The following SPATA16 variants were observed in gnomAD, a reference collection of about 807,000 sequenced individuals.
The protein encoded by SPATA16 is spermatogenesis-associated protein 16.
A neutral mutation model predicts 63.3 loss-of-function variants in SPATA16; 36 were observed. That is an observed-to-expected ratio of 0.57 (90% CI 0.44 to 0.75). The LOEUF (loss-of-function observed/expected upper bound fraction) is 0.75, where lower values mean the gene tolerates loss of function less well. SPATA16 is among the 30% of genes least tolerant of loss of function. The pLI is 0.00. For synonymous variants in SPATA16, 203 were observed against 216.7 expected (o/e 0.94, Z 0.56); for missense variants, 646 against 679.3 (o/e 0.95, Z 0.54).
chr3:172,932,320 A>AT (rs1361731687), intron 6 of SPATA16, among the ~76,000 whole-genome samples: 1 of 151,988 alleles, frequency 6.6e-6, no homozygotes, highest in African/African-American at 2.4e-5. Flanking sequence ...TATAAGTTTC[A>AT]TTTTCTCCTC....
intron 2 of SPATA16, among the ~76,000 whole-genome samples, chr3:173,062,395 C>T (rs182353385): frequency 1.0e-3 from 159 of 152,206 alleles, no homozygotes; most frequent in African/African-American, 3.5e-3. Context: ...AAAATAAATA[C>T]ATTATCACAT....
At chr3:173,044,301 G>A (rs186789949) in intron 3 of SPATA16, among the ~76,000 whole-genome samples, 48 of 152,156 alleles carry the variant, frequency 3.2e-4, no homozygotes, top group Admixed American at 5.9e-4. Flanking sequence ...TCTATCTCTT[G>A]TCTTTATAGT....
At chr3:173,099,848 A>G (rs1323548383) in intron 2 of SPATA16, among the ~76,000 whole-genome samples, 1 of 152,080 alleles carries the variant, frequency 6.6e-6, no homozygotes, top group African/African-American at 2.4e-5. Context: ...CATCACAGGC[A>G]CCTACGCCCC....
chr3:173,033,417 T>C (rs1458089488), intron 3 of SPATA16, among the ~76,000 whole-genome samples: 1 of 152,196 alleles, frequency 6.6e-6, no homozygotes. Context: ...ACCTATCTTT[T>C]GACATTTTCA....
chr3:173,061,170 C>G (rs936730240), intron 2 of SPATA16, among the ~76,000 whole-genome samples: 78 of 152,336 alleles, frequency 5.1e-4, no homozygotes, highest in Admixed American at 4.3e-3. Flanking sequence ...GTATACCACA[C>G]TTGTCCATTT....
Position 173,059,947 on chromosome 3 carries a change from A to T in SPATA16, c.613-10853T>A, listed in dbSNP as rs139092466. The stretch of plus-strand genomic sequence containing the variant: ...TATGTGGAGGAAAGTCAGTCTGAGA[A>T]TGAAGCTAATGTAGAAAAAACAGAG... On this transcript the variant is annotated intron_variant, in intron 2 of 10. Coordinates refer to ENST00000351008, the MANE Select transcript of SPATA16 (RefSeq NM_031955.6). 6.0e-4 allele frequency among the ~76,000 whole-genome samples: 89 copies of T among 148,412 alleles called. 1 individual carries two copies. Among genetic ancestry groups the T allele is most frequent in the Non-Finnish European group, 1.1e-3 (76 of 67,538 alleles).
At chr3:172,915,459 T>C (rs1732460322) in intron 9 of SPATA16, among the ~76,000 whole-genome samples, 1 of 152,136 alleles carries the variant, frequency 6.6e-6, no homozygotes, top group Admixed American at 6.5e-5. Context: ...GTTCTCATCA[T>C]TACTATGTGA....
chr3:172,950,867 A>G (rs1310613853), intron 6 of SPATA16, among the ~76,000 whole-genome samples: 1 of 152,124 alleles, frequency 6.6e-6, no homozygotes, highest in Non-Finnish European at 1.5e-5. Flanking sequence ...AAACTTTTCT[A>G]TTAAACATTA....
Position 173,114,395 on chromosome 3 carries a change from A to C in SPATA16, c.612+2725T>G, listed in dbSNP as rs9867469. On this transcript the variant is annotated intron_variant, in intron 2 of 10. Coordinates refer to ENST00000351008, the MANE Select transcript of SPATA16 (RefSeq NM_031955.6). ...ATTAAATTTTGGTTAATGGGAAAAA[A>C]ATGAAAATGGTGTGCTCGTGGAGAC... is the stretch of plus-strand genomic sequence containing the variant. Among the ~76,000 whole-genome samples the C allele has an allele frequency of 2.9e-3, 448 of 152,248 alleles. 2 individuals are homozygous for C. The highest frequency in any genetic ancestry group is 0.01 in the African/African-American group (431 of 41,536).
intron 3 of SPATA16, among the ~76,000 whole-genome samples, chr3:173,035,685 T>G (rs1409054468): frequency 6.6e-6 from 1 of 152,056 alleles, no homozygotes; most frequent in Non-Finnish European, 1.5e-5. Context: ...GCTGGGAGAA[T>G]GCCAAGGATG....
At chr3:172,896,933 G>A (rs1000867310) in intron 10 of SPATA16, among the ~76,000 whole-genome samples, 1 of 151,652 alleles carries the variant, frequency 6.6e-6, no homozygotes, top group South Asian at 2.1e-4. Context: ...CCTTCCACAG[G>A]TAAAGTTTTT....
chr3:172,952,416 T>G (rs1220044842), intron 6 of SPATA16, among the ~76,000 whole-genome samples: 2 of 152,162 alleles, frequency 1.3e-5, no homozygotes, highest in African/African-American at 4.8e-5. Context: ...ACCATCTACA[T>G]GGACATTCAG....
At chr3:172,916,896 T>C (rs534003298) in intron 8 of SPATA16, among the ~76,000 whole-genome samples, 9 of 152,288 alleles carry the variant, frequency 5.9e-5, no homozygotes, top group South Asian at 2.1e-4. Context: ...TGAAAGAAAA[T>C]TTTTTAATGC....
chr3:172,960,836 T>A (rs189020118), intron 5 of SPATA16, among the ~76,000 whole-genome samples: 9 of 152,084 alleles, frequency 5.9e-5, no homozygotes, highest in African/African-American at 2.2e-4. Context: ...ACTTCAAACA[T>A]TTTCGGGATG....
At chr3:173,104,194 A>C (rs1259012849) in intron 2 of SPATA16, among the ~76,000 whole-genome samples, 2 of 152,182 alleles carry the variant, frequency 1.3e-5, no homozygotes, top group Non-Finnish European at 2.9e-5. Context: ...GGTTACAATT[A>C]TTTAACCAGT....
intron 2 of SPATA16, among the ~76,000 whole-genome samples, chr3:173,102,616 G>A (rs994281602): frequency 6.6e-6 from 1 of 152,066 alleles, no homozygotes; most frequent in African/African-American, 2.4e-5. Flanking sequence ...AATCCTTGAG[G>A]GATCCACTTC....
chr3:173,082,454 G>A (rs1357811520), intron 2 of SPATA16, among the ~76,000 whole-genome samples: 11 of 152,126 alleles, frequency 7.2e-5, no homozygotes, highest in Admixed American at 7.2e-4. Context: ...ACTTCAGAAG[G>A]GGGCTTTTCT....
chr3:173,077,854 C>T (rs1736842823), intron 2 of SPATA16, among the ~76,000 whole-genome samples: 2 of 152,126 alleles, frequency 1.3e-5, no homozygotes, highest in African/African-American at 4.8e-5. Context: ...CACTTCCAAT[C>T]TCCTGTTTGC....
chr3:173,046,728 A>G (rs1486678494), intron 3 of SPATA16, among the ~76,000 whole-genome samples: 3 of 152,024 alleles, frequency 2.0e-5, no homozygotes, highest in African/African-American at 7.2e-5. Context: ...TATCCTAATT[A>G]ATTTATTTTA....
Sources: gnomAD v4.1 joint callset for allele counts (sites outside exome capture counted in the v4.1 genomes callset) on GRCh38, gnomAD v4.1.1 for gene constraint, MANE v1.5 for transcripts, NCBI Gene and HGNC (gene_info 2026-07-23, HGNC 2026-07-21) for gene names.